Variants in EIF2B2 observed in about 807,000 individuals in gnomAD.
EIF2B2 encodes translation initiation factor eIF2B subunit beta.
A neutral mutation model predicts 34.7 loss-of-function variants in EIF2B2; 34 were observed. That is an observed-to-expected ratio of 0.98 (90% CI 0.75 to 1.31). EIF2B2 has a LOEUF of 1.31. Ranked by LOEUF, EIF2B2 falls within the 50% of genes most tolerant of loss-of-function variation. The pLI is 0.00. For synonymous variants in EIF2B2, 155 were observed against 171.6 expected (o/e 0.90, Z 0.76); for missense variants, 361 against 447.7 (o/e 0.81, Z 1.75).
intron 3 of EIF2B2, 101 bp from the exon 4 acceptor site, chr14:75,004,636 G>C (rs549542177): frequency 2.5e-6 from 1 of 399,990 alleles, no homozygotes; most frequent in Admixed American, 5.7e-5. Context: ...TTCCGTATAC[G>C]CGTAATGTGT....
chr14:75,007,756 T>A lies in EIF2B2; in HGVS notation c.866T>A (p.Val289Glu). ...GAAGAAGACTCATTTCATAAGTTTG[T>A]GGCTCCTGAAGAAGTCCTGCCATTC... ...PNEEDSFHKF[V>E]APEEVLPFTE... Residue 289 changes from valine to glutamate, a missense_variant, in exon 7 of 8, where the codon GTG becomes GAG. Physicochemically the swap from Val to Glu is moderately radical, Grantham distance 121 (BLOSUM62 -2). Transcript: ENST00000266126. 6.2e-7 allele frequency: 1 copy of A among 1,614,020 alleles called. No individual in the cohort carries two copies. Among genetic ancestry groups the A allele is most frequent in the South Asian group, 1.1e-5 (1 of 91,084 alleles).
rs1566872873 is a variant in EIF2B2, at chr14:75,004,681, ATATATATATTTTTTTTTTTTTTTT to A, written c.434-54_434-31del. The A allele has an allele frequency of 1.4e-4, 23 of 159,030 alleles. 2 individuals carry two copies. Among genetic ancestry groups the A allele is most frequent in the South Asian group, 1.4e-3 (8 of 5,804 alleles). The allele number at this position is 159,030 out of a possible 1,614,324, so 9.9% of individuals were successfully genotyped here. A position where few individuals can be genotyped will look rare whatever the true frequency, so the allele number is the denominator to read the frequency against. ...ATAGCAATTTCATATATATATATAT[ATATATATATTTTTTTTTTTTTTTT>A]TTTTTTTTTTTTTGCAAAACCGTTC... On this transcript the variant is annotated intron_variant, in intron 3 of 7. Transcript: ENST00000266126.
In EIF2B2 at chr14:75,003,345, G is replaced by C. The variant is rs142827960; in HGVS notation, c.234G>C (p.Val78=). ...CCGCTCAGCCCTCCGAGACCACCGT[G>C]GGCAACATGGTGCGGAGAGTGCTCA... The part of the protein sequence containing the change: ...MTAAQPSETT[V]GNMVRRVLKI... Residue 78 remains valine, a synonymous_variant, in exon 2 of 8, where the codon GTG becomes GTC. Transcript: ENST00000266126. 1 of 1,613,884 alleles carries C rather than the reference G, an allele frequency of 6.2e-7. No individual in the cohort carries two copies. The highest frequency in any genetic ancestry group is 1.3e-5 in the African/African-American group (1 of 74,886).
chr14:75,009,416 G>A lies in EIF2B2; in HGVS notation c.*228G>A. ...TTAACAGAGCAGCAGGGCTTAACTT[G>A]TTGATTTTGGAGCCTCTTAGTGACC... On this transcript the variant is annotated 3_prime_UTR_variant, in exon 8 of 8. Transcript: ENST00000266126. The A allele has an allele frequency of 1.8e-6, 1 of 547,520 alleles. No homozygotes were observed. Among genetic ancestry groups the A allele is most frequent in the Non-Finnish European group, 3.3e-6 (1 of 304,518 alleles). 33.9% of individuals were successfully genotyped at this position (547,520 alleles called of 1,614,324 possible).
intron 4 of EIF2B2, 188 bp downstream of exon 4, chr14:75,005,088 A>T: frequency 1.5e-6 from 1 of 670,100 alleles, no homozygotes; most frequent in Non-Finnish European, 2.5e-6. Flanking sequence ...GTGGTTTAAG[A>T]AAGTTGGGGC....
rs780478667 is a variant in EIF2B2, at chr14:75,007,711, T to A, written c.832-11T>A. 3.7e-6 allele frequency: 6 copies of A among 1,612,570 alleles called. No individual in the cohort carries two copies. The highest frequency in any genetic ancestry group is 5.1e-6 in the Non-Finnish European group (6 of 1,179,142). The stretch of plus-strand genomic sequence containing the variant: ...TGGGTCTCTAGTTTTTATAAATTTT[T>A]TCCTTTTTAGTTCCCCAATGAAGAA... On this transcript the variant is annotated splice_polypyrimidine_tract_variant and intron_variant, in intron 6 of 7. Transcript: ENST00000266126.
Position 75,006,857 on chromosome 14 carries a change from G to A in EIF2B2, c.831+143G>A. The A allele has an allele frequency of 8.1e-7, 1 of 1,230,750 alleles. No individual in the cohort carries two copies. Among genetic ancestry groups the A allele is most frequent in the Non-Finnish European group, 1.2e-6 (1 of 846,484 alleles). The allele number at this position is 1,230,750 out of a possible 1,614,324, so 76.2% of individuals were successfully genotyped here. On this transcript the variant is annotated intron_variant, in intron 6 of 7. Transcript: ENST00000266126. This position sits in a 1 kb window ranked among gnomAD's most constrained non-coding sequence, Gnocchi z 4.1. The stretch of plus-strand genomic sequence containing the variant: ...AATGGATTACACCCAGTGGAGGCTG[G>A]AAAGAACCACAGAAGTCTTGATTCA...
At position 75,010,583 on chromosome 14, in the gene EIF2B2, GC is replaced by G. The variant is rs1889691507; in HGVS notation, c.*1396del. ...CACATTTCAAAAATTCAGATTTCTT[GC>G]TTTTCTTGAAAACTCAAATTTGGCA... On this transcript the variant is annotated 3_prime_UTR_variant, in exon 8 of 8. Transcript: ENST00000266126. The G allele has an allele frequency of 6.6e-6, 1 of 152,168 alleles. No homozygotes were observed. The highest frequency in any genetic ancestry group is 1.5e-5 in the Non-Finnish European group (1 of 68,026). 9.4% of individuals were successfully genotyped at this position (152,168 alleles called of 1,614,324 possible).
At position 75,009,602 on chromosome 14, in the gene EIF2B2, A is replaced by C. The variant is rs555158437; in HGVS notation, c.*414A>C. The C allele has an allele frequency of 3.0e-5, 9 of 296,954 alleles. No individual in the cohort carries two copies. The East Asian group carries it at 7.8e-4, about 26-fold the overall frequency. The allele number at this position is 296,954 out of a possible 1,614,324, so 18.4% of individuals were successfully genotyped here. On this transcript the variant is annotated 3_prime_UTR_variant, in exon 8 of 8. Coordinates refer to ENST00000266126, the MANE Select transcript of EIF2B2 (RefSeq NM_014239.4). ...CACTTGAAGGTTCCATAGTTGGTTT[A>C]TTTATTGTCCTACTCTGACAGAACT...
In EIF2B2 at chr14:75,009,081, C is replaced by G; in HGVS notation, c.949C>G (p.Pro317Ala). Residue 317 changes from proline (P) to alanine (A), a missense_variant, in exon 8 of 8, where the codon CCC becomes GCC. Pro to Ala is a conservative substitution (Grantham distance 27, BLOSUM62 -1). Transcript: ENST00000266126. The stretch of plus-strand genomic sequence containing the variant: ...GCATTGCCCTGTGTTTGACTACGTT[C>G]CCCCAGAGCTCATTACCCTCTTTAT... ...SVHCPVFDYVPPELITLFISN... is the reference protein window; with the variant it reads ...SVHCPVFDYVAPELITLFISN... 11 of 1,614,110 alleles carry G rather than the reference C, an allele frequency of 6.8e-6. No homozygotes were observed. The highest frequency in any genetic ancestry group is 9.3e-6 in the Non-Finnish European group (11 of 1,180,008).
chr14:75,006,883 G>A lies in EIF2B2; in HGVS notation c.831+169G>A. ...AAAGAACCACAGAAGTCTTGATTCA[G>A]TAAAACAGTTGAGAGTTCTCAGCTG... On this transcript the variant is annotated intron_variant, in intron 6 of 7. Transcript: ENST00000266126. The surrounding 1 kb of genome is among the most constrained non-coding windows in gnomAD (Gnocchi z 4.1). 9.9e-7 allele frequency: 1 copy of A among 1,014,922 alleles called. No individual in the cohort carries two copies. Among genetic ancestry groups the A allele is most frequent in the East Asian group, 2.4e-5 (1 of 41,244 alleles). The allele number at this position is 1,014,922 out of a possible 1,614,324, so 62.9% of individuals were successfully genotyped here.
chr14:75,003,734 T>A, intron 3 of EIF2B2, 35 bp downstream of exon 3: 2 of 1,613,826 alleles, frequency 1.2e-6, no homozygotes, highest in Non-Finnish European at 1.7e-6. Flanking sequence ...ATGGGACTGG[T>A]CACAGGCACA....
intron 4 of EIF2B2, chr14:75,005,138 G>C (rs1889608730): frequency 9.1e-6 from 4 of 437,952 alleles, no homozygotes; most frequent in Non-Finnish European, 1.7e-5. Context: ...AGCACTTTGG[G>C]AGGCTGGGCG....
Position 75,005,977 on chromosome 14 carries a change from G to A in EIF2B2, c.693+16G>A. ...AGTCAACAAGGTGGGTATATCTGGA[G>A]TTATGTTGAATTCATGAAGATTATG... is the stretch of plus-strand genomic sequence containing the variant. On this transcript the variant is annotated intron_variant, in intron 5 of 7. Coordinates refer to ENST00000266126, the MANE Select transcript of EIF2B2 (RefSeq NM_014239.4). 3 of 1,587,138 alleles carry A rather than the reference G, an allele frequency of 1.9e-6. No individual in the cohort carries two copies. Among genetic ancestry groups the A allele is most frequent in the African/African-American group, 1.3e-5 (1 of 74,454 alleles).
chr14:75,006,267 C>T lies in EIF2B2; in HGVS notation c.693+306C>T. 1 of 531,020 alleles carries T rather than the reference C, an allele frequency of 1.9e-6. No homozygotes were observed. The highest frequency in any genetic ancestry group is 3.4e-6 in the Non-Finnish European group (1 of 296,368). The allele number at this position is 531,020 out of a possible 1,614,324, so 32.9% of individuals were successfully genotyped here. On this transcript the variant is annotated intron_variant, in intron 5 of 7. Coordinates refer to ENST00000266126, the MANE Select transcript of EIF2B2 (RefSeq NM_014239.4). This position sits in a 1 kb window ranked among gnomAD's most constrained non-coding sequence, Gnocchi z 4.1. ...GGGCTCCTGCCTTATGCTCAAAGAG[C>T]TTGGCAGTTGTGGATAGTGAATGAA...
intron 1 of EIF2B2, 27 bp from the exon 2 acceptor site, chr14:75,003,248 T>C: frequency 2.5e-6 from 4 of 1,613,506 alleles, no homozygotes; most frequent in Admixed American, 1.7e-5. Context: ...CGTTGGCTCC[T>C]CTTATCCTCT....
At position 75,003,151 on chromosome 14, in the gene EIF2B2, C is replaced by T; in HGVS notation, c.161C>T (p.Ala54Val). The T allele has an allele frequency of 1.9e-6, 3 of 1,613,328 alleles. No homozygotes were observed. The highest frequency in any genetic ancestry group is 1.7e-6 in the Non-Finnish European group (2 of 1,179,938). ...QIITDHRWSN[A>V]GELMELIRRE... The stretch of plus-strand genomic sequence containing the variant: ...ATCACGGACCACCGCTGGAGCAACG[C>T]GGGTGAGGCCGGCCTGCCTCCGCCG... The change falls in exon 1 of 8, where the codon GCG becomes GTG. Residue 54 changes from alanine (A) to valine (V), a missense_variant and splice_region_variant. Ala to Val is a moderately conservative substitution (Grantham distance 64). Transcript: ENST00000266126.
Position 75,004,690 on chromosome 14 carries a change from T to TA in EIF2B2, c.434-47_434-46insA, listed in dbSNP as rs764926377. ...TCATATATATATATATATATATATA[T>TA]TTTTTTTTTTTTTTTTTTTTTTTTT... On this transcript the variant is annotated intron_variant, in intron 3 of 7. Coordinates refer to ENST00000266126, the MANE Select transcript of EIF2B2 (RefSeq NM_014239.4). 1,172 of 89,552 alleles carry TA rather than the reference T, an allele frequency of 0.013. 3 individuals carry two copies. In the East Asian group the frequency reaches 0.18, roughly 14 times the overall value. 5.5% of individuals were successfully genotyped at this position (89,552 alleles called of 1,614,324 possible). A position where few individuals can be genotyped will look rare whatever the true frequency, so the allele number is the denominator to read the frequency against.
chr14:75,004,108 AGAG>A lies in EIF2B2; in HGVS notation c.433+412_433+414del, dbSNP rs1330821320. On this transcript the variant is annotated intron_variant, in intron 3 of 7. Coordinates refer to ENST00000266126, the MANE Select transcript of EIF2B2 (RefSeq NM_014239.4). ...TGACTTGCAGATATTCATTGTAATC[AGAG>A]GATGAAGAAGCTGCTTCCAAATTGC... is the stretch of plus-strand genomic sequence containing the variant. 4.6e-5 allele frequency among the ~76,000 whole-genome samples: 7 copies of A among 152,320 alleles called. No homozygotes were observed. In the East Asian group the frequency reaches 1.3e-3, roughly 29 times the overall value.
Sources: allele counts gnomAD v4.1 joint callset (sites outside exome capture counted in the v4.1 genomes callset), GRCh38; gene constraint gnomAD v4.1.1; non-coding constraint Gnocchi (gnomAD v3.1); transcripts MANE v1.5; gene names NCBI Gene and HGNC (gene_info 2026-07-23, HGNC 2026-07-21).